Variants in DCTN4 observed in about 807,000 individuals in gnomAD.
DCTN4 encodes dynactin 4 (p62).
DCTN4 carries 23 observed loss-of-function variants against 62.7 expected under a neutral mutation model. The observed-to-expected ratio is 0.37, with a 90% CI of 0.26 to 0.52. DCTN4 has a LOEUF of 0.52. Ranked by LOEUF, DCTN4 falls within the 20% of genes least tolerant of loss-of-function variation. DCTN4 has a pLI of 0.92. For missense variants in DCTN4, 514 were observed against 580.4 expected, an observed-to-expected ratio of 0.89 and a Z score of 1.18; for synonymous variants, 199 against 202.1, an observed-to-expected ratio of 0.98 and a Z score of 0.13.
At chr5:150,719,877 G>A in intron 9 of DCTN4, 107 bp from the exon 10 acceptor site, 2 of 679,092 alleles carry the variant, frequency 2.9e-6, no homozygotes, top group South Asian at 2.1e-5. Context: ...TAATTAGAAT[G>A]TATCAGAAAA....
At chr5:150,730,536 A>G (rs1760318794) in intron 8 of DCTN4, 95 bp downstream of exon 8, 1 of 1,065,618 alleles carries the variant, frequency 9.4e-7, no homozygotes, top group Admixed American at 1.9e-5. Flanking sequence ...TGTATTTAAT[A>G]CATTCCAAAG....
At chr5:150,731,665 C>T (rs1760375450) in intron 5 of DCTN4, 176 bp from the exon 6 acceptor site, 1 of 640,468 alleles carries the variant, frequency 1.6e-6, no homozygotes, top group Admixed American at 2.9e-5. Flanking sequence ...TTATTCTATT[C>T]TTAAAATAAT....
At chr5:150,749,218 G>C (rs1370751578) in intron 3 of DCTN4, among the ~76,000 whole-genome samples, 1 of 152,048 alleles carries the variant, frequency 6.6e-6, no homozygotes, top group African/African-American at 2.4e-5. Flanking sequence ...TTCAACAATG[G>C]ACTTGTATCC....
intron 3 of DCTN4, among the ~76,000 whole-genome samples, chr5:150,753,074 C>A (rs1267170883): frequency 1.3e-5 from 2 of 152,122 alleles, no homozygotes; most frequent in African/African-American, 4.8e-5. Context: ...ACTGTGTTAG[C>A]CAGGATGGTC....
chr5:150,735,006 G>A (rs1760523569), intron 4 of DCTN4, among the ~76,000 whole-genome samples: 2 of 152,180 alleles, frequency 1.3e-5, no homozygotes, highest in African/African-American at 4.8e-5. Context: ...GAGATTCTGA[G>A]CTCAGATATG....
Position 150,742,934 on chromosome 5 carries a change from T to C in DCTN4, c.386-777A>G, listed in dbSNP as rs547316096. ...GTGATTTCTGCATTTCCATCTGAGGTACTGGGTTCATCTCACTAGGGAGTG... is the reference window on the plus strand; with the variant it reads ...GTGATTTCTGCATTTCCATCTGAGGCACTGGGTTCATCTCACTAGGGAGTG... On this transcript the variant is annotated intron_variant, in intron 3 of 12. Transcript: ENST00000447998. The C allele has an allele frequency of 1.9e-5, 3 of 157,066 alleles. No individual in the cohort carries two copies. The East Asian group carries it at 5.6e-4, about 29-fold the overall frequency. 9.7% of individuals were successfully genotyped at this position (157,066 alleles called of 1,614,324 possible). A position where few individuals can be genotyped will look rare whatever the true frequency, so the allele number is the denominator to read the frequency against.
At chr5:150,723,925 C>G (rs1760046132) in intron 8 of DCTN4, among the ~76,000 whole-genome samples, 1 of 152,162 alleles carries the variant, frequency 6.6e-6, no homozygotes, top group African/African-American at 2.4e-5. Flanking sequence ...CCCACTGTAA[C>G]AATTTCTATA....
At chr5:150,723,361 G>A (rs529008652) in intron 8 of DCTN4, among the ~76,000 whole-genome samples, 18 of 152,138 alleles carry the variant, frequency 1.2e-4, no homozygotes, top group Non-Finnish European at 1.2e-4. Context: ...GATCAAAATG[G>A]TATACAGGAA....
intron 4 of DCTN4, 80 bp downstream of exon 4, chr5:150,742,034 A>G (rs1760787180): frequency 8.5e-7 from 1 of 1,178,510 alleles, no homozygotes; most frequent in Non-Finnish European, 1.3e-6. Flanking sequence ...GCTCATATCT[A>G]CCCATAAAAT....
chr5:150,737,358 C>T (rs1369638577), intron 4 of DCTN4, among the ~76,000 whole-genome samples: 6 of 152,042 alleles, frequency 3.9e-5, no homozygotes, highest in East Asian at 1.9e-4. Context: ...ATAGAACATA[C>T]GAGAGGCCAC....
intron 11 of DCTN4, among the ~76,000 whole-genome samples, chr5:150,717,725 ATAG>A: frequency 6.6e-6 from 1 of 152,358 alleles, no homozygotes; most frequent in Non-Finnish European, 1.5e-5. Context: ...GGGAGTCAGG[ATAG>A]GAAGGAGGCA....
At chr5:150,730,995 C>T in intron 7 of DCTN4, 49 bp downstream of exon 7, 1 of 1,156,024 alleles carries the variant, frequency 8.7e-7, no homozygotes, top group Non-Finnish European at 1.3e-6. Context: ...ATAACAAAAA[C>T]AGAATTAGAT....
chr5:150,718,025 G>C (rs925457762), intron 11 of DCTN4, among the ~76,000 whole-genome samples: 3 of 152,230 alleles, frequency 2.0e-5, no homozygotes, highest in Non-Finnish European at 4.4e-5. Flanking sequence ...GAAATGGGTT[G>C]AAACAGAGGT....
At chr5:150,714,640 G>A (rs139377183) in intron 12 of DCTN4, among the ~76,000 whole-genome samples, 199 of 152,242 alleles carry the variant, frequency 1.3e-3, no homozygotes, top group Admixed American at 4.2e-3. Flanking sequence ...CTCCCAAAGT[G>A]TTGAGAATAC....
rs768894069 is a variant in DCTN4 at position 150,758,989 on chromosome 5, G to A, written c.5C>T (p.Ala2Val). The A allele has an allele frequency of 4.3e-6, 7 of 1,613,756 alleles. No homozygotes were observed. In the Admixed American group the frequency reaches 6.7e-5, roughly 15 times the overall value. M[A>V]SLLQSDRVLY... ...AACCCGGTCCGACTGCAGCAAGGAC[G>A]CCATCTTGGGGAGGGAGGAGGCGAT... Residue 2 changes from alanine to valine, a missense_variant, in exon 1 of 13, where the codon GCG (alanine) becomes GTG (valine). Coordinates refer to ENST00000447998, the MANE Select transcript of DCTN4 (RefSeq NM_016221.4).
intron 8 of DCTN4, among the ~76,000 whole-genome samples, chr5:150,726,036 T>A (rs1200126633): frequency 1.3e-5 from 2 of 151,822 alleles, no homozygotes; most frequent in Admixed American, 6.6e-5. Flanking sequence ...CCAACAAACC[T>A]ATATTTTAAG....
intron 8 of DCTN4, 55 bp from the exon 9 acceptor site, chr5:150,723,035 T>C: frequency 7.9e-7 from 1 of 1,268,608 alleles, no homozygotes; most frequent in Middle Eastern, 1.9e-4. Context: ...ACTTTGTTGA[T>C]CCATAGAGCT....
intron 4 of DCTN4, among the ~76,000 whole-genome samples, chr5:150,740,762 T>C (rs1760739153): frequency 6.6e-6 from 1 of 152,174 alleles, no homozygotes; most frequent in African/African-American, 2.4e-5. Context: ...ACCTGGATAG[T>C]GTTGGAGACC....
intron 8 of DCTN4, among the ~76,000 whole-genome samples, chr5:150,729,297 A>G (rs1027750481): frequency 6.6e-6 from 1 of 151,968 alleles, no homozygotes; most frequent in African/African-American, 2.4e-5. Context: ...ATAGAATGGT[A>G]TTACAAATCT....
Sources: allele counts gnomAD v4.1 joint callset (sites outside exome capture counted in the v4.1 genomes callset), GRCh38; gene constraint gnomAD v4.1.1; transcripts MANE v1.5; gene names NCBI Gene and HGNC (gene_info 2026-07-23, HGNC 2026-07-21).